SNX27: variants seen among roughly 807,000 people sequenced by gnomAD.
SNX27 encodes the protein sorting nexin 27.
Under a neutral mutation model 71.6 loss-of-function variants are expected in SNX27, and 22 were observed. That is an observed-to-expected ratio of 0.31 (90% CI 0.22 to 0.44). SNX27 has a LOEUF of 0.44. Ranked by LOEUF, SNX27 falls within the 20% of genes least tolerant of loss-of-function variation. The pLI, the probability that SNX27 is intolerant of heterozygous loss-of-function variation, is 1.00. For missense variants in SNX27, 531 were observed against 698.6 expected (o/e 0.76, Z 2.70); for synonymous variants, 269 against 277.2 (o/e 0.97, Z 0.29).
intron 8 of SNX27, among the ~76,000 whole-genome samples, chr1:151,686,958 CCAAATCTT>C (rs1671211452): frequency 6.6e-6 from 1 of 152,216 alleles, no homozygotes; most frequent in South Asian, 2.1e-4. Context: ...CCCCTGTCCT[CCAAATCTT>C]CAAATACAGA....
In SNX27 at chr1:151,640,850, T is replaced by A. The variant is rs201635232; in HGVS notation, c.543+1731T>A. Among the ~76,000 whole-genome samples the A allele has an allele frequency of 3.3e-5, 5 of 152,308 alleles. No individual in the cohort carries two copies. In the East Asian group the frequency reaches 7.7e-4, roughly 23 times the overall value. On this transcript the variant is annotated intron_variant, in intron 2 of 11. Transcript: ENST00000458013. Reference sequence around the variant, plus strand: ...ACCCTCAAAAGTTCCCTCATGCCCTTTACAGTTAGTCCTCACCCCTTACCA... The same window carrying A: ...ACCCTCAAAAGTTCCCTCATGCCCTATACAGTTAGTCCTCACCCCTTACCA...
At chr1:151,688,044 C>G (rs1480085748) in intron 8 of SNX27, among the ~76,000 whole-genome samples, 1 of 151,540 alleles carries the variant, frequency 6.6e-6, no homozygotes, top group Non-Finnish European at 1.5e-5. Flanking sequence ...ATATCCTGTA[C>G]TATACCTGTC....
At chr1:151,673,078 C>G (rs1670514029) in intron 7 of SNX27, among the ~76,000 whole-genome samples, 2 of 150,422 alleles carry the variant, frequency 1.3e-5, no homozygotes, top group Non-Finnish European at 3.0e-5. Context: ...AAATTTTTGT[C>G]TTTTTTTTGA....
chr1:151,644,530 C>T (rs545394365), intron 2 of SNX27, among the ~76,000 whole-genome samples: 2 of 152,248 alleles, frequency 1.3e-5, no homozygotes, highest in East Asian at 1.9e-4. Flanking sequence ...TGATGGACAT[C>T]TGGGTTCTTT....
intron 8 of SNX27, among the ~76,000 whole-genome samples, chr1:151,690,297 G>GTGTT (rs545837140): frequency 1.3e-5 from 2 of 152,134 alleles, no homozygotes; most frequent in Non-Finnish European, 2.9e-5. Flanking sequence ...GGAGATTTGT[G>GTGTT]TGTTTGTTTG....
At chr1:151,645,062 A>G (rs1258819592) in intron 2 of SNX27, among the ~76,000 whole-genome samples, 1 of 152,056 alleles carries the variant, frequency 6.6e-6, no homozygotes, top group African/African-American at 2.4e-5. Context: ...GGCCTCCCAA[A>G]GTGTTGGGAT....
chr1:151,656,223 C>CAAA (rs71093203), intron 2 of SNX27, among the ~76,000 whole-genome samples: 35 of 77,210 alleles, frequency 4.5e-4, no homozygotes, highest in African/African-American at 7.4e-4. Context: ...GACTCCGTCT[C>CAAA]AAAAAAAAAA....
At chr1:151,687,603 C>G (rs79850747) in intron 8 of SNX27, among the ~76,000 whole-genome samples, 2,033 of 152,206 alleles carry the variant, frequency 0.013, 58 homozygotes, top group African/African-American at 0.047. Flanking sequence ...TGGAGTGGAC[C>G]TTGACCCATT....
chr1:151,693,858 C>T, intron 11 of SNX27: 2 of 1,420,068 alleles, frequency 1.4e-6, no homozygotes, highest in Non-Finnish European at 1.8e-6. Context: ...TGAGTCCTGG[C>T]AGTCTTTCTA....
At chr1:151,666,691 A>T (rs1325252604) in intron 6 of SNX27, 1 of 152,076 alleles carries the variant, frequency 6.6e-6, no homozygotes, top group Non-Finnish European at 1.5e-5. Flanking sequence ...GGTTGATTAG[A>T]CCTTCCTTAT....
chr1:151,666,121 C>T, intron 6 of SNX27, 110 bp downstream of exon 6: 1 of 731,594 alleles, frequency 1.4e-6, no homozygotes, highest in Non-Finnish European at 2.2e-6. Context: ...TTAGAACTGT[C>T]TCTAACAATC....
intron 7 of SNX27, among the ~76,000 whole-genome samples, chr1:151,682,723 G>T (rs977742686): frequency 1.3e-5 from 2 of 152,106 alleles, no homozygotes; most frequent in African/African-American, 4.8e-5. Context: ...CATGCAGGGG[G>T]AACTGCTGTT....
At chr1:151,637,756 GAC>G (rs948305299) in intron 1 of SNX27, among the ~76,000 whole-genome samples, 1 of 152,190 alleles carries the variant, frequency 6.6e-6, no homozygotes, top group Non-Finnish European at 1.5e-5. Context: ...CTCTGACAGA[GAC>G]AATTTCAGTG....
chr1:151,634,774 C>T (rs1231794667), intron 1 of SNX27, among the ~76,000 whole-genome samples: 1 of 152,142 alleles, frequency 6.6e-6, no homozygotes, highest in Non-Finnish European at 1.5e-5. Flanking sequence ...AAGTTTCAAA[C>T]CTACAGAAAA....
chr1:151,617,352 C>T (rs1291611941), intron 1 of SNX27, among the ~76,000 whole-genome samples: 1 of 151,992 alleles, frequency 6.6e-6, no homozygotes. Flanking sequence ...GATCTCGGCT[C>T]ACTGCAACCT....
Position 151,695,130 on chromosome 1 carries a change from G to A in SNX27, c.*713G>A, listed in dbSNP as rs1021416942. 1.3e-5 allele frequency: 2 copies of A among 152,250 alleles called. No homozygotes were observed. The highest frequency in any genetic ancestry group is 6.6e-5 in the Admixed American group (1 of 15,262). 9.4% of individuals were successfully genotyped at this position (152,250 alleles called of 1,614,324 possible). A position where few individuals can be genotyped will look rare whatever the true frequency, so the allele number is the denominator to read the frequency against. On this transcript the variant is annotated 3_prime_UTR_variant, in exon 12 of 12. Coordinates refer to ENST00000458013, the MANE Select transcript of SNX27 (RefSeq NM_001330723.2). Reference sequence around the variant, plus strand: ...GGAGTATAGTTTCTTTATCTTCCAAGAGGGTGCTGGGGAGGAGAAAGAGGT... The same window carrying A: ...GGAGTATAGTTTCTTTATCTTCCAAAAGGGTGCTGGGGAGGAGAAAGAGGT...
intron 6 of SNX27, among the ~76,000 whole-genome samples, chr1:151,667,744 G>A (rs1196902154): frequency 6.7e-6 from 1 of 149,434 alleles, no homozygotes; most frequent in East Asian, 2.0e-4. Flanking sequence ...GGAGAATGGC[G>A]TGAACCTGGG....
chr1:151,668,713 A>G lies in SNX27; in HGVS notation c.1149+78A>G, dbSNP rs796667908. Reference sequence around the variant, plus strand: ...AGTTGGTACTTTGCCAATTCCCTGTAAATCCTTAGACAGGCTGCTTTGCTC... The same window carrying G: ...AGTTGGTACTTTGCCAATTCCCTGTGAATCCTTAGACAGGCTGCTTTGCTC... On this transcript the variant is annotated intron_variant, in intron 7 of 11. Coordinates refer to ENST00000458013, the MANE Select transcript of SNX27 (RefSeq NM_001330723.2). 5.2e-6 allele frequency: 7 copies of G among 1,356,688 alleles called. No individual in the cohort carries two copies. The African/African-American group carries it at 1.0e-4, about 20-fold the overall frequency. 84.0% of individuals were successfully genotyped at this position (1,356,688 alleles called of 1,614,324 possible). A position where few individuals can be genotyped will look rare whatever the true frequency, so the allele number is the denominator to read the frequency against.
At chr1:151,662,132 G>A (rs753795895) in intron 4 of SNX27, 34 bp from the exon 5 acceptor site, 1 of 1,466,182 alleles carries the variant, frequency 6.8e-7, no homozygotes, top group Non-Finnish European at 9.5e-7. Context: ...GATATACTGG[G>A]CCATAAATTA....
Sources: allele counts gnomAD v4.1 joint callset (sites outside exome capture counted in the v4.1 genomes callset), GRCh38; gene constraint gnomAD v4.1.1; transcripts MANE v1.5; gene names NCBI Gene and HGNC (gene_info 2026-07-23, HGNC 2026-07-21).